ZKSCAN1: variants seen among roughly 807,000 people sequenced by gnomAD.
ZKSCAN1 encodes zinc finger protein with KRAB and SCAN domains 1.
ZKSCAN1 carries 14 observed loss-of-function variants against 51.6 expected under a neutral mutation model. The observed-to-expected ratio is 0.27, with a 90% CI of 0.18 to 0.42. ZKSCAN1 has a LOEUF of 0.42. Ranked by LOEUF, ZKSCAN1 falls within the 10% of genes least tolerant of loss-of-function variation. The probability of loss-of-function intolerance (pLI) is 1.00; values close to 1 mark genes in which losing one functional copy is unlikely to be tolerated. For synonymous variants in ZKSCAN1, 263 were observed against 261.5 expected, an observed-to-expected ratio of 1.01 and a Z score of -0.06; for missense variants, 531 against 710.0, an observed-to-expected ratio of 0.75 and a Z score of 2.86.
intron 1 of ZKSCAN1, among the ~76,000 whole-genome samples, chr7:100,018,623 G>A (rs907368265): frequency 3.9e-5 from 6 of 152,122 alleles, no homozygotes; most frequent in Admixed American, 1.3e-4. Context: ...TCCTCACCTC[G>A]TGATCCGCCC....
In ZKSCAN1 at chr7:100,025,318, CAA is replaced by C. The variant is rs35796352; in HGVS notation, c.580+1027_580+1028del. Among the ~76,000 whole-genome samples, 529 of 103,870 alleles carry C rather than the reference CAA, an allele frequency of 5.1e-3. 3 individuals carry two copies. The highest frequency in any genetic ancestry group is 0.018 in the African/African-American group (511 of 28,008). The allele number at this position is 103,870 out of a possible 152,430, so 68.1% of individuals were successfully genotyped here. A position where few individuals can be genotyped will look rare whatever the true frequency, so the allele number is the denominator to read the frequency against. On this transcript the variant is annotated intron_variant, in intron 3 of 5. Transcript: ENST00000324306. ...GCCTGGGTGACAGAGAGTCTGTTTC[CAA>C]AAAAAAAAAAAAAAACTATAGCATC...
chr7:100,018,906 G>C (rs1562815263), intron 1 of ZKSCAN1, among the ~76,000 whole-genome samples: 8 of 152,176 alleles, frequency 5.3e-5, no homozygotes, highest in Admixed American at 4.6e-4. Flanking sequence ...GCCCATGTCT[G>C]TGTCTATTTC....
chr7:100,029,533 G>A (rs923818175), intron 3 of ZKSCAN1, among the ~76,000 whole-genome samples: 1 of 152,144 alleles, frequency 6.6e-6, no homozygotes, highest in African/African-American at 2.4e-5. Flanking sequence ...CTGAGAATAG[G>A]AACCTGGGTC....
chr7:100,019,826 C>T (rs886931344), intron 1 of ZKSCAN1, among the ~76,000 whole-genome samples: 2 of 152,034 alleles, frequency 1.3e-5, no homozygotes, highest in East Asian at 1.9e-4. Flanking sequence ...CTCAGCCTCC[C>T]GAGTAGCTGG....
At position 100,036,405 on chromosome 7, in the gene ZKSCAN1, A is replaced by G. The variant is rs1791362200; in HGVS notation, c.*2208A>G. 3 of 985,330 alleles carry G rather than the reference A, an allele frequency of 3.0e-6. No homozygotes were observed. The highest frequency in any genetic ancestry group is 3.6e-6 in the Non-Finnish European group (3 of 829,942). The allele number at this position is 985,330 out of a possible 1,614,324, so 61.0% of individuals were successfully genotyped here. A position where few individuals can be genotyped will look rare whatever the true frequency, so the allele number is the denominator to read the frequency against. ...GTAGAAAACTCCTGTGCTTTTGAGC[A>G]AGGACTTTTGCCCTCTAGAAAGCAA... On this transcript the variant is annotated 3_prime_UTR_variant, in exon 6 of 6. Transcript: ENST00000324306.
At chr7:100,028,805 A>AC (rs1432269391) in intron 3 of ZKSCAN1, among the ~76,000 whole-genome samples, 1 of 151,806 alleles carries the variant, frequency 6.6e-6, no homozygotes, top group Non-Finnish European at 1.5e-5. Context: ...AAAAAAAAAA[A>AC]AAAAAAACAG....
intron 3 of ZKSCAN1, chr7:100,025,080 G>A (rs920134050): frequency 3.0e-4 from 45 of 151,802 alleles, no homozygotes; most frequent in Admixed American, 3.0e-3. Context: ...AATGAACTAT[G>A]CGTAATGAAC....
chr7:100,029,529 A>G (rs1257253829), intron 3 of ZKSCAN1, among the ~76,000 whole-genome samples: 3 of 152,184 alleles, frequency 2.0e-5, no homozygotes, highest in African/African-American at 2.4e-5. Context: ...ATAGCTGAGA[A>G]TAGGAACCTG....
At chr7:100,032,985 G>C (rs1215216199) in intron 5 of ZKSCAN1, among the ~76,000 whole-genome samples, 1 of 149,954 alleles carries the variant, frequency 6.7e-6, no homozygotes, top group African/African-American at 2.5e-5. Flanking sequence ...TCCAGCCTGG[G>C]TAACAGAGCA....
At position 100,038,236 on chromosome 7, in the gene ZKSCAN1, G is replaced by A. The variant is rs1209873253; in HGVS notation, c.*4039G>A. ...TTATTGTTCCGTATATTACCTGTAA[G>A]CAGATACTGTATTTTATTTTAGCCT... On this transcript the variant is annotated 3_prime_UTR_variant, in exon 6 of 6. Coordinates refer to ENST00000324306, the MANE Select transcript of ZKSCAN1 (RefSeq NM_003439.4). 1.7e-5 allele frequency: 17 copies of A among 985,270 alleles called. No individual in the cohort carries two copies. Among genetic ancestry groups the A allele is most frequent in the Non-Finnish European group, 1.9e-5 (16 of 829,928 alleles). The allele number at this position is 985,270 out of a possible 1,614,324, so 61.0% of individuals were successfully genotyped here.
chr7:100,016,960 G>A (rs998638592), intron 1 of ZKSCAN1: 2 of 152,140 alleles, frequency 1.3e-5, no homozygotes, highest in African/African-American at 4.8e-5. Context: ...TAACATATAA[G>A]ATTCTTGTTT....
chr7:100,024,444 A>C (rs942880968), intron 3 of ZKSCAN1, 137 bp downstream of exon 3: 51 of 1,154,878 alleles, frequency 4.4e-5, no homozygotes, highest in Non-Finnish European at 5.1e-5. Flanking sequence ...AAATAGAAAA[A>C]TTAGCCAGGT....
In ZKSCAN1 at chr7:100,038,278, C is replaced by T; in HGVS notation, c.*4081C>T. The T allele has an allele frequency of 1.0e-6, 1 of 985,388 alleles. No individual in the cohort carries two copies. The highest frequency in any genetic ancestry group is 1.1e-4 in the East Asian group (1 of 8,814). The allele number at this position is 985,388 out of a possible 1,614,324, so 61.0% of individuals were successfully genotyped here. On this transcript the variant is annotated 3_prime_UTR_variant, in exon 6 of 6. Coordinates refer to ENST00000324306, the MANE Select transcript of ZKSCAN1 (RefSeq NM_003439.4). ...TTTTAGCCTATTTGACAGAACACAT[C>T]ACTCAGAAAAAGTGAAGTTTCAGAG...
downstream of ZKSCAN1, among the ~76,000 whole-genome samples, chr7:100,043,897 C>A (rs1302304031): frequency 2.0e-5 from 3 of 150,648 alleles, no homozygotes; most frequent in Non-Finnish European, 4.4e-5. Context: ...CTGACTCAGC[C>A]TCCCGAGTAG....
chr7:100,040,622 T>A lies in ZKSCAN1; in HGVS notation c.*6425T>A. On this transcript the variant is annotated 3_prime_UTR_variant, in exon 6 of 6. Transcript: ENST00000324306. ...GCCCTAAATCTCCATCATTAAGTCT[T>A]CCAGCAAGGTTAAGTGCAGTATGGA... The A allele has an allele frequency of 1.0e-6, 1 of 985,468 alleles. No homozygotes were observed. Among genetic ancestry groups the A allele is most frequent in the Non-Finnish European group, 1.2e-6 (1 of 829,946 alleles). 61.0% of individuals were successfully genotyped at this position (985,468 alleles called of 1,614,324 possible). A position where few individuals can be genotyped will look rare whatever the true frequency, so the allele number is the denominator to read the frequency against.
downstream of ZKSCAN1, among the ~76,000 whole-genome samples, chr7:100,045,251 C>T (rs1344700462): frequency 6.7e-6 from 1 of 149,026 alleles, no homozygotes; most frequent in Non-Finnish European, 1.5e-5. Context: ...AACATTTTTT[C>T]AAAAAATAGG....
At chr7:100,022,460 A>G (rs1790631995) in intron 1 of ZKSCAN1, among the ~76,000 whole-genome samples, 1 of 152,268 alleles carries the variant, frequency 6.6e-6, no homozygotes. Flanking sequence ...GCACAGACTA[A>G]GTAAGTGTAT....
intron 3 of ZKSCAN1, 182 bp downstream of exon 3, chr7:100,024,489 G>C (rs1790732333): frequency 2.7e-6 from 2 of 752,234 alleles, no homozygotes; most frequent in African/African-American, 3.5e-5. Context: ...AGCTACGCAG[G>C]AGGCTGAGGT....
In ZKSCAN1 at chr7:100,040,807, T is replaced by A; in HGVS notation, c.*6610T>A. On this transcript the variant is annotated 3_prime_UTR_variant, in exon 6 of 6. Transcript: ENST00000324306. Reference sequence around the variant, plus strand: ...CAACCAGAGAAGAGCATCCGGTTGCTTTTTAAAGCTTTTAGCCTGCCCTAG... The same window carrying A: ...CAACCAGAGAAGAGCATCCGGTTGCATTTTAAAGCTTTTAGCCTGCCCTAG... 6.1e-6 allele frequency: 6 copies of A among 985,436 alleles called. No individual in the cohort carries two copies. Among genetic ancestry groups the A allele is most frequent in the Non-Finnish European group, 3.6e-6 (3 of 829,926 alleles). The allele number at this position is 985,436 out of a possible 1,614,324, so 61.0% of individuals were successfully genotyped here. A position where few individuals can be genotyped will look rare whatever the true frequency, so the allele number is the denominator to read the frequency against.
Sources: allele counts gnomAD v4.1 joint callset (sites outside exome capture counted in the v4.1 genomes callset), GRCh38; gene constraint gnomAD v4.1.1; transcripts MANE v1.5; gene names NCBI Gene and HGNC (gene_info 2026-07-23, HGNC 2026-07-21).